Variants in MAP7 observed in about 807,000 individuals in gnomAD.
MAP7 encodes microtubule associated protein 7.
A neutral mutation model predicts 94.8 loss-of-function variants in MAP7; 52 were observed. The ratio of observed to expected loss-of-function variants is 0.55; its 90% CI spans 0.44 to 0.69. MAP7 has a LOEUF of 0.69. Among genes scored for constraint, MAP7 ranks in the 30% least tolerant of loss-of-function variants. The pLI is 0.00. For synonymous variants in MAP7, 350 were observed against 357.0 expected (o/e 0.98, Z 0.22); for missense variants, 940 against 964.6 (o/e 0.97, Z 0.34).
At chr6:136,425,642 T>G (rs527783631) in intron 1 of MAP7, among the ~76,000 whole-genome samples, 2 of 152,172 alleles carry the variant, frequency 1.3e-5, no homozygotes, top group Non-Finnish European at 2.9e-5. Context: ...ACTCGAATCA[T>G]AGGTATGAAG....
chr6:136,406,256 AG>A (rs1023416879), intron 3 of MAP7, among the ~76,000 whole-genome samples: 4 of 152,214 alleles, frequency 2.6e-5, no homozygotes, highest in Admixed American at 2.6e-4. Flanking sequence ...TTCTCAAAGC[AG>A]ATCTCAGAAT....
At chr6:136,407,878 T>C (rs9402808) in intron 3 of MAP7, among the ~76,000 whole-genome samples, 7,296 of 152,190 alleles carry the variant, frequency 0.048, 353 homozygotes, top group African/African-American at 0.12. Context: ...AATAATGTCT[T>C]GGGGCCAAAA....
chr6:136,357,508 T>A (rs915484871), intron 15 of MAP7, among the ~76,000 whole-genome samples: 3 of 152,220 alleles, frequency 2.0e-5, no homozygotes, highest in Non-Finnish European at 2.9e-5. Flanking sequence ...CCCCTGCTTT[T>A]TTTTGAGACA....
rs532826622 is a variant in MAP7, at chr6:136,542,366, G to C, written c.67+7976C>G. 5.3e-5 allele frequency among the ~76,000 whole-genome samples: 8 copies of C among 152,308 alleles called. No individual in the cohort carries two copies. In the South Asian group the frequency reaches 1.7e-3, roughly 32 times the overall value. Reference sequence around the variant, plus strand: ...ACAGAACCTTAGACCATGAGCAACTGATGAAACGTCCAATGACAGACTATC... The same window carrying C: ...ACAGAACCTTAGACCATGAGCAACTCATGAAACGTCCAATGACAGACTATC... On this transcript the variant is annotated intron_variant, in intron 1 of 17. Coordinates refer to ENST00000354570, the MANE Select transcript of MAP7 (RefSeq NM_003980.6).
intron 1 of MAP7, among the ~76,000 whole-genome samples, chr6:136,511,301 G>C (rs1823210338): frequency 6.6e-6 from 1 of 152,000 alleles, no homozygotes; most frequent in Non-Finnish European, 1.5e-5. Context: ...TTCTACTGTG[G>C]TGTCACAGAA....
rs1164907304 is a variant in MAP7 at position 136,543,419 on chromosome 6, C to T, written c.67+6923G>A. 2.6e-5 allele frequency among the ~76,000 whole-genome samples: 4 copies of T among 152,230 alleles called. No homozygotes were observed. In the East Asian group the frequency reaches 5.8e-4, roughly 22 times the overall value. On this transcript the variant is annotated intron_variant, in intron 1 of 17. Coordinates refer to ENST00000354570, the MANE Select transcript of MAP7 (RefSeq NM_003980.6). ...ATCCCAGCACTTTGGGATACTGAGGCGGGTGGATCACCTTTGGTCAGGAGT... is the reference window on the plus strand; with the variant it reads ...ATCCCAGCACTTTGGGATACTGAGGTGGGTGGATCACCTTTGGTCAGGAGT...
intron 1 of MAP7, among the ~76,000 whole-genome samples, chr6:136,449,291 T>TCAAA (rs112759898): frequency 0.15 from 22,983 of 151,450 alleles, 1,874 homozygotes; most frequent in African/African-American, 0.22. Flanking sequence ...CAAGACTCCT[T>TCAAA]CAAACAAACA....
rs1818943435 is a variant in MAP7 at position 136,498,525 on chromosome 6, A to G, written c.67+51817T>C. ...AAACCAGAAGTCTCTGTGAGTTGAG[A>G]CTCAGGTGTTCACATGCACCTGTGT... On this transcript the variant is annotated intron_variant, in intron 1 of 17. Coordinates refer to ENST00000354570, the MANE Select transcript of MAP7 (RefSeq NM_003980.6). Among the ~76,000 whole-genome samples the G allele has an allele frequency of 2.0e-5, 3 of 152,168 alleles. No individual in the cohort carries two copies. The East Asian group carries it at 5.8e-4, about 29-fold the overall frequency.
At chr6:136,461,182 A>T (rs1805079602) in intron 1 of MAP7, among the ~76,000 whole-genome samples, 1 of 152,220 alleles carries the variant, frequency 6.6e-6, no homozygotes, top group African/African-American at 2.4e-5. Context: ...GAGAATTCTC[A>T]CTTATGTATA....
chr6:136,389,616 C>A (rs1455661978), intron 3 of MAP7, 99 bp from the exon 4 acceptor site: 4 of 1,063,996 alleles, frequency 3.8e-6, no homozygotes, highest in Non-Finnish European at 1.4e-6. Context: ...CTACAATGAA[C>A]AAATATGGGT....
intron 1 of MAP7, among the ~76,000 whole-genome samples, chr6:136,440,496 A>C (rs1797519762): frequency 6.6e-6 from 1 of 152,178 alleles, no homozygotes; most frequent in Non-Finnish European, 1.5e-5. Context: ...AAAGAACAGG[A>C]TATGCATCAG....
intron 1 of MAP7, among the ~76,000 whole-genome samples, chr6:136,458,374 T>G (rs1804048592): frequency 6.6e-6 from 1 of 152,126 alleles, no homozygotes; most frequent in Non-Finnish European, 1.5e-5. Flanking sequence ...CAGATTCAAT[T>G]CAATCCATAT....
intron 10 of MAP7, among the ~76,000 whole-genome samples, chr6:136,365,355 G>C (rs1793991753): frequency 6.6e-6 from 1 of 152,168 alleles, no homozygotes; most frequent in Non-Finnish European, 1.5e-5. Flanking sequence ...TTCAACTAGA[G>C]ATATTGAACT....
intron 1 of MAP7, among the ~76,000 whole-genome samples, chr6:136,462,162 C>G (rs996642705): frequency 4.0e-5 from 4 of 100,878 alleles, no homozygotes; most frequent in African/African-American, 1.5e-4. Flanking sequence ...TAGTAAGACC[C>G]TTCTCTTAAA....
chr6:136,411,894 T>A (rs1429175068), intron 2 of MAP7, among the ~76,000 whole-genome samples, 197 bp from the exon 3 acceptor site: 1 of 152,248 alleles, frequency 6.6e-6, no homozygotes, highest in Non-Finnish European at 1.5e-5. Context: ...TCTAAGCATT[T>A]TTCTTCTATT....
rs141056237 is a variant in MAP7 at position 136,420,067 on chromosome 6, A to C, written c.166+1634T>G. 2.5e-5 allele frequency: 21 copies of C among 839,470 alleles called. No homozygotes were observed. In the African/African-American group the frequency reaches 3.1e-4, roughly 12 times the overall value. 52.0% of individuals were successfully genotyped at this position (839,470 alleles called of 1,614,324 possible). ...CAAAGCCTTCTGAGCTCGATTAATT[A>C]CAATGGAGGGGTCAGTCTCCAACTT... On this transcript the variant is annotated intron_variant, in intron 2 of 17. Coordinates refer to ENST00000354570, the MANE Select transcript of MAP7 (RefSeq NM_003980.6).
At chr6:136,406,029 T>C (rs971122275) in intron 3 of MAP7, among the ~76,000 whole-genome samples, 1 of 152,214 alleles carries the variant, frequency 6.6e-6, no homozygotes, top group African/African-American at 2.4e-5. Context: ...TATTATTGAA[T>C]GAATACATAA....
chr6:136,362,620 G>A lies in MAP7; in HGVS notation c.1356C>T (p.Ala452=). The A allele has an allele frequency of 6.2e-7, 1 of 1,613,452 alleles. No homozygotes were observed. The highest frequency in any genetic ancestry group is 8.5e-7 in the Non-Finnish European group (1 of 1,179,730). Residue 452 remains alanine (A), a synonymous_variant, in exon 11 of 18, where the codon GCC becomes GCT. Coordinates refer to ENST00000354570, the MANE Select transcript of MAP7 (RefSeq NM_003980.6). ...APAPAPVPTP[A]MVSAPSSTVN... ...CAGTGGATGACGGGGCTGAGACCAT[G>A]GCTGGGGTGGGGACCGGGGCTGGAG... is the stretch of plus-strand genomic sequence containing the variant.
intron 1 of MAP7, among the ~76,000 whole-genome samples, chr6:136,548,562 G>C (rs914329997): frequency 2.0e-5 from 3 of 152,166 alleles, no homozygotes; most frequent in Non-Finnish European, 4.4e-5. Flanking sequence ...CTATGAAGGA[G>C]ATAACAGCCA....
Sources: gnomAD v4.1 joint callset for allele counts (sites outside exome capture counted in the v4.1 genomes callset) on GRCh38, gnomAD v4.1.1 for gene constraint, MANE v1.5 for transcripts, NCBI Gene and HGNC (gene_info 2026-07-23, HGNC 2026-07-21) for gene names.